ZCCHC7: variants seen among roughly 807,000 people sequenced by gnomAD.
The protein encoded by ZCCHC7 is zinc finger CCHC-type containing 7.
In ZCCHC7, 35 loss-of-function variants were observed where a neutral mutation model predicts 52.0. That is an observed-to-expected ratio of 0.67 (90% CI 0.51 to 0.89). ZCCHC7 has a LOEUF of 0.89. Among genes scored for constraint, ZCCHC7 ranks in the 40% least tolerant of loss-of-function variants. ZCCHC7 has a pLI of 0.00. For missense variants in ZCCHC7, 574 were observed against 649.1 expected (o/e 0.88, Z 1.26); for synonymous variants, 217 against 221.5 (o/e 0.98, Z 0.18).
chr9:37,271,253 A>G (rs1827396578), intron 2 of ZCCHC7, among the ~76,000 whole-genome samples: 1 of 152,250 alleles, frequency 6.6e-6, no homozygotes, highest in Non-Finnish European at 1.5e-5. Flanking sequence ...TATAGGAAAT[A>G]TAAAGACTAT....
chr9:37,137,407 T>C (rs1481728528), intron 2 of ZCCHC7, among the ~76,000 whole-genome samples: 5 of 152,222 alleles, frequency 3.3e-5, no homozygotes, highest in African/African-American at 1.2e-4. Flanking sequence ...TAGTAGAAAC[T>C]GAAGACTGTA....
At chr9:37,165,317 T>G (rs939588669) in intron 2 of ZCCHC7, among the ~76,000 whole-genome samples, 1 of 152,142 alleles carries the variant, frequency 6.6e-6, no homozygotes, top group Non-Finnish European at 1.5e-5. Context: ...ATGACTTTTT[T>G]GTTTTTTTTT....
At chr9:37,153,769 A>T (rs1006527871) in intron 2 of ZCCHC7, among the ~76,000 whole-genome samples, 5 of 152,032 alleles carry the variant, frequency 3.3e-5, no homozygotes, top group South Asian at 2.1e-4. Context: ...ACCTAGAATC[A>T]GCTATTTCTG....
At chr9:37,129,833 A>G (rs1282192591) in intron 2 of ZCCHC7, among the ~76,000 whole-genome samples, 1 of 152,222 alleles carries the variant, frequency 6.6e-6, no homozygotes, top group Non-Finnish European at 1.5e-5. Flanking sequence ...CTTGGCACAT[A>G]CATTACCTGC....
chr9:37,133,680 C>T (rs1842884876), intron 2 of ZCCHC7, among the ~76,000 whole-genome samples: 1 of 152,148 alleles, frequency 6.6e-6, no homozygotes, highest in South Asian at 2.1e-4. Flanking sequence ...CCTCCGCCTC[C>T]CAGGTTCAAG....
Position 37,126,554 on chromosome 9 carries a change from A to T in ZCCHC7, c.222A>T (p.Leu74=), listed in dbSNP as rs764015287. The T allele has an allele frequency of 1.7e-5, 28 of 1,614,146 alleles. No individual in the cohort carries two copies. In the East Asian group the frequency reaches 4.7e-4, roughly 27 times the overall value. The change falls in exon 2 of 9, where the codon CTA becomes CTT. Residue 74 remains leucine, a synonymous_variant. Coordinates refer to ENST00000336755, the MANE Select transcript of ZCCHC7 (RefSeq NM_032226.3). The stretch of plus-strand genomic sequence containing the variant: ...GTAGTAAACCAAATCAGAAGAAGCT[A>T]ATCGTCCTTTCAGATAGTGAGGTCA... ...SSSSKPNQKK[L]IVLSDSEVIQ...
intron 2 of ZCCHC7, among the ~76,000 whole-genome samples, chr9:37,138,699 ATT>A (rs538339919): frequency 3.6e-4 from 48 of 134,000 alleles, no homozygotes; most frequent in African/African-American, 6.3e-4. Context: ...ACAGGTTTGT[ATT>A]TTTTTTTTTT....
intron 4 of ZCCHC7, 73 bp downstream of exon 4, chr9:37,304,386 GC>G (rs1260450496): frequency 1.3e-6 from 2 of 1,536,550 alleles, no homozygotes; most frequent in African/African-American, 2.8e-5. Flanking sequence ...GGGCACGGTG[GC>G]TCATGCCTGT....
At chr9:37,194,507 G>A (rs1588461102) in intron 2 of ZCCHC7, among the ~76,000 whole-genome samples, 1 of 152,164 alleles carries the variant, frequency 6.6e-6, no homozygotes, top group Non-Finnish European at 1.5e-5. Flanking sequence ...ATAATAGAGA[G>A]TGTGTGGGGT....
chr9:37,249,034 T>TAGG (rs1354552575), intron 2 of ZCCHC7, among the ~76,000 whole-genome samples: 1 of 152,216 alleles, frequency 6.6e-6, no homozygotes, highest in Admixed American at 6.5e-5. Flanking sequence ...GTTTCTTTGT[T>TAGG]ATAGAACATT....
chr9:37,135,517 G>A (rs1842961099), intron 2 of ZCCHC7, among the ~76,000 whole-genome samples: 1 of 152,160 alleles, frequency 6.6e-6, no homozygotes, highest in Non-Finnish European at 1.5e-5. Flanking sequence ...GACTGTTATG[G>A]TATAGAATTT....
At chr9:37,143,933 A>T (rs1252186928) in intron 2 of ZCCHC7, among the ~76,000 whole-genome samples, 1 of 151,810 alleles carries the variant, frequency 6.6e-6, no homozygotes, top group Non-Finnish European at 1.5e-5. Context: ...TAATTTTGAT[A>T]TTTTGCGGCA....
chr9:37,297,250 C>T (rs1428738133), intron 2 of ZCCHC7, among the ~76,000 whole-genome samples: 1 of 152,164 alleles, frequency 6.6e-6, no homozygotes, highest in East Asian at 1.9e-4. Context: ...TTATTTAACA[C>T]AGTCATGCTT....
At chr9:37,184,923 A>G (rs550308059) in intron 2 of ZCCHC7, among the ~76,000 whole-genome samples, 14 of 152,274 alleles carry the variant, frequency 9.2e-5, no homozygotes, top group East Asian at 7.7e-4. Context: ...TAGAATGGCA[A>G]TAGTCCCTGA....
chr9:37,220,469 G>C (rs1034792838), intron 2 of ZCCHC7, among the ~76,000 whole-genome samples: 3 of 152,192 alleles, frequency 2.0e-5, no homozygotes, highest in African/African-American at 7.2e-5. Context: ...CTGAACCCGG[G>C]AGGCGAAAGT....
rs542228928 is a variant in ZCCHC7 at position 37,281,928 on chromosome 9, C to A, written c.611-20260C>A. On this transcript the variant is annotated intron_variant, in intron 2 of 8. Coordinates refer to ENST00000336755, the MANE Select transcript of ZCCHC7 (RefSeq NM_032226.3). ...CTCGTTAATATTCTGCATTTAAATT[C>A]TTCTTCTTAATAAAGACATGCACTT... Among the ~76,000 whole-genome samples the A allele has an allele frequency of 1.3e-4, 20 of 152,264 alleles. No individual in the cohort carries two copies. In the East Asian group the frequency reaches 1.5e-3, roughly 12 times the overall value.
At chr9:37,259,924 C>CA (rs1394152195) in intron 2 of ZCCHC7, among the ~76,000 whole-genome samples, 3 of 152,146 alleles carry the variant, frequency 2.0e-5, no homozygotes, top group Non-Finnish European at 4.4e-5. Flanking sequence ...GGTTCTCATA[C>CA]AAAAATATTG....
chr9:37,189,713 G>A (rs1322927216), intron 2 of ZCCHC7, among the ~76,000 whole-genome samples: 1 of 152,024 alleles, frequency 6.6e-6, no homozygotes, highest in African/African-American at 2.4e-5. Context: ...TAGGCAATTT[G>A]GTTGGGTTCA....
intron 2 of ZCCHC7, among the ~76,000 whole-genome samples, chr9:37,293,371 A>C (rs1199161126): frequency 6.6e-6 from 1 of 152,348 alleles, no homozygotes; most frequent in East Asian, 1.9e-4. Flanking sequence ...AAGAAATAAT[A>C]GGATAACTGA....
Sources: gnomAD v4.1 joint callset for allele counts (sites outside exome capture counted in the v4.1 genomes callset) on GRCh38, gnomAD v4.1.1 for gene constraint, MANE v1.5 for transcripts, NCBI Gene and HGNC (gene_info 2026-07-23, HGNC 2026-07-21) for gene names.